The following RGS20 variants were observed in gnomAD, a reference collection of about 807,000 sequenced individuals.
RGS20 encodes gz-selective GTPase-activating protein.
A neutral mutation model predicts 33.6 loss-of-function variants in RGS20; 30 were observed. The ratio of observed to expected loss-of-function variants is 0.89; its 90% CI spans 0.67 to 1.21. RGS20 has a LOEUF of 1.21. Among genes scored for constraint, RGS20 ranks in the 50% most tolerant of loss-of-function variants. The pLI is 0.00. For synonymous variants in RGS20, 208 were observed against 197.9 expected (o/e 1.05, Z -0.43); for missense variants, 472 against 502.4 (o/e 0.94, Z 0.58).
intron 2 of RGS20, among the ~76,000 whole-genome samples, chr8:53,887,452 C>G (rs1812580816): frequency 6.6e-6 from 1 of 152,096 alleles, no homozygotes; most frequent in Non-Finnish European, 1.5e-5. Context: ...ATGATCGTCC[C>G]TGTAAGGATT....
At chr8:53,954,689 C>CTT (rs139245547) in intron 5 of RGS20, among the ~76,000 whole-genome samples, 158 of 131,176 alleles carry the variant, frequency 1.2e-3, no homozygotes, top group African/African-American at 3.9e-3. Context: ...AAGTAATTGC[C>CTT]TTTTTTTTTT....
intron 2 of RGS20, chr8:53,887,070 C>A: frequency 1.2e-5 from 2 of 162,534 alleles, no homozygotes; most frequent in South Asian, 3.2e-4. Flanking sequence ...TAATGCCTGT[C>A]AGAGTGGCTG....
chr8:53,874,399 T>TGC (rs1188420524), intron 1 of RGS20, among the ~76,000 whole-genome samples: 9 of 128,252 alleles, frequency 7.0e-5, no homozygotes, highest in East Asian at 4.1e-4. Flanking sequence ...TGTGTGTGTG[T>TGC]GTGCGCGCGC....
chr8:53,953,194 C>T (rs1308534141), intron 4 of RGS20, among the ~76,000 whole-genome samples: 1 of 152,068 alleles, frequency 6.6e-6, no homozygotes, highest in Non-Finnish European at 1.5e-5. Flanking sequence ...GCACTTGCAC[C>T]CCCTAATTAT....
chr8:53,925,788 C>T (rs943555491), intron 2 of RGS20, among the ~76,000 whole-genome samples: 1 of 151,824 alleles, frequency 6.6e-6, no homozygotes, highest in Admixed American at 6.6e-5. Flanking sequence ...GTGTCTAAAG[C>T]AGGGAACAGC....
At chr8:53,897,130 C>A (rs1444447550) in intron 2 of RGS20, among the ~76,000 whole-genome samples, 1 of 152,236 alleles carries the variant, frequency 6.6e-6, no homozygotes, top group Non-Finnish European at 1.5e-5. Context: ...CACTTATAAA[C>A]ACATCTTTTG....
At chr8:53,875,942 C>A (rs1585874698) in intron 1 of RGS20, among the ~76,000 whole-genome samples, 1 of 152,304 alleles carries the variant, frequency 6.6e-6, no homozygotes, top group East Asian at 1.9e-4. Flanking sequence ...ATATTGCCAC[C>A]TTTCAATCTG....
At chr8:53,915,947 T>C (rs1813471450) in intron 2 of RGS20, among the ~76,000 whole-genome samples, 1 of 152,212 alleles carries the variant, frequency 6.6e-6, no homozygotes, top group Non-Finnish European at 1.5e-5. Context: ...TTTCTTGTAT[T>C]CCATACTTCC....
intron 1 of RGS20, among the ~76,000 whole-genome samples, chr8:53,865,538 C>A (rs1227996085): frequency 1.3e-5 from 2 of 152,228 alleles, no homozygotes; most frequent in African/African-American, 4.8e-5. Flanking sequence ...AAAGTTCATT[C>A]ATTTAACAGA....
At position 53,895,266 on chromosome 8, in the gene RGS20, T is replaced by G. The variant is rs546957199; in HGVS notation, c.510+15664T>G. ...GAAACAGAGGGGCTGGAGGAGGAGA[T>G]GCAAGATTCCATGTTAGACCCTAGA... is the stretch of plus-strand genomic sequence containing the variant. On this transcript the variant is annotated intron_variant, in intron 2 of 5. Transcript: ENST00000297313. 4.9e-4 allele frequency among the ~76,000 whole-genome samples: 74 copies of G among 152,228 alleles called. 1 individual carries two copies. The highest frequency in any genetic ancestry group is 2.5e-3 in the South Asian group (12 of 4,814).
rs140668088 is a variant in RGS20, at chr8:53,946,761, G to GT, written c.743+21dup. On this transcript the variant is annotated intron_variant, in intron 4 of 5. Coordinates refer to ENST00000297313, the MANE Select transcript of RGS20 (RefSeq NM_170587.4). ...CCTGGGAAGAAAGGTGAAATCACAC[G>GT]TTTTTTTTACCTCACTAAACTAACA... 3.2e-3 allele frequency: 5,110 copies of GT among 1,605,860 alleles called. 67 individuals carry two copies. In the African/African-American group the frequency reaches 0.039, roughly 12 times the overall value.
In RGS20 at chr8:53,898,104, C is replaced by T. The variant is rs142322798; in HGVS notation, c.510+18502C>T. On this transcript the variant is annotated intron_variant, in intron 2 of 5. Transcript: ENST00000297313. ...GCTGTGGGGCTGGATCCCACCCGCT[C>T]GCCTTGCACCACCAGGAGCTGCTGC... Among the ~76,000 whole-genome samples, 479 of 152,308 alleles carry T rather than the reference C, an allele frequency of 3.1e-3. 6 individuals are homozygous for T. Among genetic ancestry groups the T allele is most frequent in the African/African-American group, 0.011 (459 of 41,570 alleles).
intron 5 of RGS20, among the ~76,000 whole-genome samples, chr8:53,957,393 G>C (rs28707072): frequency 0.16 from 24,035 of 152,230 alleles, 5,325 homozygotes; most frequent in African/African-American, 0.5. Flanking sequence ...CCATACCCAG[G>C]CAGGGCTGGA....
chr8:53,872,935 C>T (rs1812113170), intron 1 of RGS20, among the ~76,000 whole-genome samples: 1 of 152,046 alleles, frequency 6.6e-6, no homozygotes, highest in Admixed American at 6.5e-5. Flanking sequence ...CTTTTATCTT[C>T]CTGATGTAGT....
intron 1 of RGS20, among the ~76,000 whole-genome samples, chr8:53,859,282 C>A (rs1184953337): frequency 6.6e-6 from 1 of 152,280 alleles, no homozygotes; most frequent in Non-Finnish European, 1.5e-5. Context: ...AGTAACTGCA[C>A]AAATCATCTT....
At chr8:53,907,010 C>T (rs183737957) in intron 2 of RGS20, among the ~76,000 whole-genome samples, 71 of 152,310 alleles carry the variant, frequency 4.7e-4, no homozygotes, top group African/African-American at 1.5e-3. Context: ...TCTCTGGCTT[C>T]ACGTTCCACC....
intron 2 of RGS20, among the ~76,000 whole-genome samples, chr8:53,900,679 C>T (rs1022032593): frequency 1.3e-5 from 2 of 152,176 alleles, no homozygotes; most frequent in Admixed American, 6.5e-5. Flanking sequence ...CACATGAGGA[C>T]GTGGAGGCTT....
chr8:53,852,692 A>G (rs1399467199), intron 1 of RGS20, among the ~76,000 whole-genome samples: 1 of 152,214 alleles, frequency 6.6e-6, no homozygotes, highest in East Asian at 1.9e-4. Context: ...GAACCATCTC[A>G]TAAAAGGTTA....
intron 1 of RGS20, among the ~76,000 whole-genome samples, chr8:53,858,607 A>G (rs1811736088): frequency 6.6e-6 from 1 of 152,060 alleles, no homozygotes; most frequent in East Asian, 1.9e-4. Flanking sequence ...AAAAAAGTCA[A>G]TGTAATATTG....
Sources: allele counts gnomAD v4.1 joint callset (sites outside exome capture counted in the v4.1 genomes callset), GRCh38; gene constraint gnomAD v4.1.1; transcripts MANE v1.5; gene names NCBI Gene and HGNC (gene_info 2026-07-23, HGNC 2026-07-21).